Variants in NCK2 observed in about 807,000 individuals in gnomAD.
The protein encoded by NCK2 is NCK adaptor protein 2.
A neutral mutation model predicts 33.9 loss-of-function variants in NCK2; 16 were observed. The ratio of observed to expected loss-of-function variants is 0.47; its 90% CI spans 0.32 to 0.72. The LOEUF (loss-of-function observed/expected upper bound fraction) is 0.72, where lower values mean the gene tolerates loss of function less well. NCK2 is among the 30% of genes least tolerant of loss of function. The pLI, the probability that NCK2 is intolerant of heterozygous loss-of-function variation, is 0.03. For missense variants in NCK2, 418 were observed against 537.3 expected, an observed-to-expected ratio of 0.78 and a Z score of 2.19; for synonymous variants, 273 against 239.9, an observed-to-expected ratio of 1.14 and a Z score of -1.27.
intron 1 of NCK2, among the ~76,000 whole-genome samples, chr2:105,775,420 C>T (rs561720452): frequency 2.2e-4 from 34 of 152,204 alleles, no homozygotes; most frequent in Middle Eastern, 3.4e-3. Context: ...TATTTTTAAC[C>T]GAAATTTAGT....
At chr2:105,748,759 A>C (rs1024331936) in intron 1 of NCK2, among the ~76,000 whole-genome samples, 1 of 151,942 alleles carries the variant, frequency 6.6e-6, no homozygotes, top group Non-Finnish European at 1.5e-5. Context: ...CTAGATTCTG[A>C]ACCGCTTGGG....
In NCK2 at chr2:105,855,401, A is replaced by G. The variant is rs1677221605; in HGVS notation, c.226+112A>G. ...AAAAAAGTCTGTTTTAAAAGTTAAT[A>G]TCTTCCTAGTTGTCTTTTTTAATAA... On this transcript the variant is annotated intron_variant, in intron 3 of 4. Transcript: ENST00000233154. 7.9e-6 allele frequency: 6 copies of G among 763,550 alleles called. No homozygotes were observed. The South Asian group carries it at 8.0e-5, about 10-fold the overall frequency. The allele number at this position is 763,550 out of a possible 1,614,324, so 47.3% of individuals were successfully genotyped here. A position where few individuals can be genotyped will look rare whatever the true frequency, so the allele number is the denominator to read the frequency against.
chr2:105,787,373 G>A (rs1690715512), intron 1 of NCK2, among the ~76,000 whole-genome samples: 1 of 152,170 alleles, frequency 6.6e-6, no homozygotes, highest in African/African-American at 2.4e-5. Context: ...ATTTGGAGAT[G>A]AGCCCTCTGA....
At chr2:105,744,478 A>G (rs945773127), upstream of NCK2, among the ~76,000 whole-genome samples, 1 of 152,122 alleles carries the variant, frequency 6.6e-6, no homozygotes, top group Non-Finnish European at 1.5e-5. Context: ...ACGAACAAAC[A>G]AAAAAGAGGA....
chr2:105,888,291 G>A (rs562666814), intron 4 of NCK2, among the ~76,000 whole-genome samples: 1 of 152,028 alleles, frequency 6.6e-6, no homozygotes, highest in Non-Finnish European at 1.5e-5. Context: ...CTTATAAGGA[G>A]TACTCATAGA....
chr2:105,796,283 G>T (rs753159981), intron 1 of NCK2, among the ~76,000 whole-genome samples: 12 of 152,216 alleles, frequency 7.9e-5, no homozygotes, highest in Non-Finnish European at 1.5e-4. Context: ...TGCTGCTCTT[G>T]CAAGGCTGTT....
chr2:105,819,008 T>G (rs1253012111), intron 2 of NCK2, among the ~76,000 whole-genome samples: 1 of 152,238 alleles, frequency 6.6e-6, no homozygotes, highest in Non-Finnish European at 1.5e-5. Flanking sequence ...CTTAGTGTTC[T>G]CGTCGTGTTA....
chr2:105,874,778 C>T (rs1279607014), intron 3 of NCK2, among the ~76,000 whole-genome samples: 4 of 152,302 alleles, frequency 2.6e-5, no homozygotes, highest in Admixed American at 6.5e-5. Flanking sequence ...AATTTACTGA[C>T]ATTAATAATG....
intron 1 of NCK2, among the ~76,000 whole-genome samples, chr2:105,796,427 G>A (rs1354193649): frequency 1.3e-5 from 2 of 152,192 alleles, no homozygotes; most frequent in Middle Eastern, 3.2e-3. Context: ...ACAATTCAAT[G>A]TTTTGCTGTT....
At chr2:105,765,160 A>G (rs529143122) in intron 1 of NCK2, among the ~76,000 whole-genome samples, 2 of 152,254 alleles carry the variant, frequency 1.3e-5, no homozygotes, top group South Asian at 2.1e-4. Flanking sequence ...GGAAGTATCA[A>G]TTTCACCCAA....
chr2:105,750,238 A>G (rs1689416091), intron 1 of NCK2, among the ~76,000 whole-genome samples: 2 of 152,068 alleles, frequency 1.3e-5, no homozygotes, highest in Admixed American at 6.6e-5. Context: ...CTGTGAGTGC[A>G]CTGAGAGAGA....
intron 1 of NCK2, among the ~76,000 whole-genome samples, chr2:105,791,514 ACT>A (rs1391943742): frequency 1.2e-4 from 18 of 152,170 alleles, no homozygotes; most frequent in African/African-American, 4.3e-4. Flanking sequence ...CTCTTCGCTC[ACT>A]GTCTTTGGGA....
At chr2:105,769,270 G>T (rs1415062640) in intron 1 of NCK2, among the ~76,000 whole-genome samples, 1 of 78,118 alleles carries the variant, frequency 1.3e-5, no homozygotes, top group African/African-American at 4.8e-5. Flanking sequence ...CTGCTGCCCC[G>T]CCCCACCCCT....
At chr2:105,870,274 G>A (rs1160039350) in intron 3 of NCK2, among the ~76,000 whole-genome samples, 1 of 152,228 alleles carries the variant, frequency 6.6e-6, no homozygotes, top group Admixed American at 6.5e-5. Context: ...GAGGAGGCAG[G>A]GGGCCAGCAG....
chr2:105,828,794 AG>A (rs1676055364), intron 2 of NCK2, among the ~76,000 whole-genome samples: 1 of 152,216 alleles, frequency 6.6e-6, no homozygotes, highest in Non-Finnish European at 1.5e-5. Flanking sequence ...TGCTCTCTAC[AG>A]GGAAGGACCA....
intron 1 of NCK2, among the ~76,000 whole-genome samples, chr2:105,810,349 C>T (rs1043464477): frequency 6.6e-6 from 1 of 151,996 alleles, no homozygotes; most frequent in Non-Finnish European, 1.5e-5. Flanking sequence ...AGCAAGCACA[C>T]AAGCAAGCTG....
intron 2 of NCK2, among the ~76,000 whole-genome samples, chr2:105,827,235 G>A (rs1280569285): frequency 4.6e-5 from 7 of 152,126 alleles, no homozygotes; most frequent in South Asian, 2.1e-4. Flanking sequence ...TCCTGACCTC[G>A]TGATCTACCC....
At chr2:105,771,143 C>T (rs1367264537) in intron 1 of NCK2, among the ~76,000 whole-genome samples, 8 of 151,952 alleles carry the variant, frequency 5.3e-5, no homozygotes, top group South Asian at 2.1e-4. Flanking sequence ...AGGATGCTCT[C>T]GATCTCCTGA....
Position 105,875,599 on chromosome 2 carries a change from A to G in NCK2, c.227-5729A>G, listed in dbSNP as rs371293966. Among the ~76,000 whole-genome samples the G allele has an allele frequency of 8.5e-5, 13 of 152,126 alleles. No individual in the cohort carries two copies. In the East Asian group the frequency reaches 1.2e-3, roughly 14 times the overall value. ...ATGAATGGGATTCGTGCCCTTATAA[A>G]AGAGACCTCAGAGAGCACCCTTGCT... is the stretch of plus-strand genomic sequence containing the variant. On this transcript the variant is annotated intron_variant, in intron 3 of 4. Transcript: ENST00000233154.
Sources: allele counts gnomAD v4.1 joint callset (sites outside exome capture counted in the v4.1 genomes callset), GRCh38; gene constraint gnomAD v4.1.1; transcripts MANE v1.5; gene names NCBI Gene and HGNC (gene_info 2026-07-23, HGNC 2026-07-21).